The following PCSK4 variants were observed in gnomAD, a reference collection of about 807,000 sequenced individuals.
PCSK4 encodes the protein testicular tissue protein Li 135.
PCSK4 carries 64 observed loss-of-function variants against 80.3 expected under a neutral mutation model. That is an observed-to-expected ratio of 0.80 (90% CI 0.65 to 0.98). The LOEUF is 0.98. Among genes scored for constraint, PCSK4 ranks in the 50% least tolerant of loss-of-function variants. The probability of loss-of-function intolerance (pLI) is 0.00; values close to 1 mark genes in which losing one functional copy is unlikely to be tolerated. For missense variants in PCSK4, 1,213 were observed against 1,093.6 expected, an observed-to-expected ratio of 1.11 and a Z score of -1.54; for synonymous variants, 561 against 487.6, an observed-to-expected ratio of 1.15 and a Z score of -1.98.
At chr19:1,489,569 G>T in intron 2 of PCSK4, 1 of 706,780 alleles carries the variant, frequency 1.4e-6, no homozygotes, top group Non-Finnish European at 2.2e-6. Context: ...GGGAGGGGGA[G>T]GACAAGAGGT....
chr19:1,487,171 G>A, exon 7 of PCSK4: 2 of 1,607,214 alleles, frequency 1.2e-6, no homozygotes, highest in East Asian at 2.2e-5. Flanking sequence ...AGGCCTCGCG[G>A]GTGAGGATGC....
chr19:1,490,146 G>A lies in PCSK4; in HGVS notation c.189+12C>T, dbSNP rs1044980327. 1.2e-6 allele frequency: 2 copies of A among 1,613,170 alleles called. No individual in the cohort carries two copies. The highest frequency in any genetic ancestry group is 2.2e-5 in the East Asian group (1 of 44,880). On this transcript the variant is annotated intron_variant, in intron 1 of 14. Coordinates refer to ENST00000300954, the Ensembl canonical transcript of PCSK4. ...CAAGCCCCCACTTCCCGTCTATCCC[G>A]GTCCCACCCACCGGCCCCAGGTTGA...
rs761750845 is a variant in PCSK4, at chr19:1,482,465, G to A, written c.1707C>T (p.Tyr569=). The A allele has an allele frequency of 4.4e-6, 7 of 1,604,326 alleles. No individual in the cohort carries two copies. In the East Asian group the frequency reaches 8.9e-5, roughly 20 times the overall value. The change falls in exon 14 of 15, where the codon TAC becomes TAT. Residue 569 remains tyrosine (Y), a synonymous_variant. Coordinates refer to ENST00000300954, the Ensembl canonical transcript of PCSK4. ...TCCCATAGAGCAGCAGCGTGTAGCG[G>A]TACAACGTCCCTGGACAGGGGTCGC... is the stretch of plus-strand genomic sequence containing the variant.
chr19:1,481,800 T>C, exon 15 of PCSK4: 1 of 1,520,550 alleles, frequency 6.6e-7, no homozygotes, highest in East Asian at 2.3e-5. Context: ...TTGGTGGGGG[T>C]GGCCCTGGCA....
chr19:1,486,502 T>C (rs1271052549), intron 8 of PCSK4, among the ~76,000 whole-genome samples: 1 of 150,590 alleles, frequency 6.6e-6, no homozygotes, highest in Non-Finnish European at 1.5e-5. Context: ...TTCACTCTGT[T>C]AGCCAGGATG....
rs1368554917 is a variant in PCSK4, at chr19:1,481,463, G to A, written c.*296C>T. On this transcript the variant is annotated 3_prime_UTR_variant, in exon 15 of 15. Coordinates refer to ENST00000300954, the Ensembl canonical transcript of PCSK4. ...GCAACCTTTATTTGCAAACTCTGAG[G>A]TTGGACGCGGTGCCCGAGGCGGACA... The A allele has an allele frequency of 9.2e-6, 3 of 324,650 alleles. No individual in the cohort carries two copies. In the East Asian group the frequency reaches 1.5e-4, roughly 16 times the overall value. 20.1% of individuals were successfully genotyped at this position (324,650 alleles called of 1,614,324 possible).
intron 8 of PCSK4, among the ~76,000 whole-genome samples, chr19:1,484,599 C>T (rs991794857): frequency 2.0e-5 from 3 of 150,752 alleles, no homozygotes; most frequent in Non-Finnish European, 4.4e-5. Flanking sequence ...GGGTGGATCA[C>T]CGGAGGTCAG....
chr19:1,483,988 G>C (rs1599211321), intron 9 of PCSK4, 39 bp downstream of exon 9: 2 of 1,478,294 alleles, frequency 1.4e-6, no homozygotes, highest in Non-Finnish European at 1.8e-6. Context: ...GGCCGCGCCT[G>C]GGGGCGAGGG....
exon 7 of PCSK4, chr19:1,487,185 G>T: frequency 6.2e-7 from 1 of 1,607,868 alleles, no homozygotes. Flanking sequence ...AGGATGCCGG[G>T]GCCGTCCACC....
rs1175763879 is a variant in PCSK4, at chr19:1,487,360, C to T, written c.683-47G>A. 3.4e-6 allele frequency: 5 copies of T among 1,465,900 alleles called. No homozygotes were observed. The African/African-American group carries it at 4.2e-5, about 12-fold the overall frequency. The allele number at this position is 1,465,900 out of a possible 1,614,324, so 90.8% of individuals were successfully genotyped here. A position where few individuals can be genotyped will look rare whatever the true frequency, so the allele number is the denominator to read the frequency against. ...GCCGCTGCCACCGGCCCTGCCCTTC[C>T]CCACACCCCAGCCCGCCCCGCGCCA... is the stretch of plus-strand genomic sequence containing the variant. On this transcript the variant is annotated intron_variant, in intron 6 of 14. Coordinates refer to ENST00000300954, the Ensembl canonical transcript of PCSK4.
At chr19:1,484,436 G>A (rs1951325450) in intron 8 of PCSK4, among the ~76,000 whole-genome samples, 1 of 150,928 alleles carries the variant, frequency 6.6e-6, no homozygotes, top group Non-Finnish European at 1.5e-5. Flanking sequence ...GCAGTGAGCG[G>A]AGATCACACC....
chr19:1,487,399 C>T (rs2084686429), intron 6 of PCSK4, 86 bp from the exon 7 acceptor site: 1 of 1,163,140 alleles, frequency 8.6e-7, no homozygotes, highest in African/African-American at 1.5e-5. Context: ...CACACCACTC[C>T]CCAGCCCTAC....
exon 3 of PCSK4, chr19:1,488,242 C>T (rs1469413284): frequency 6.2e-7 from 1 of 1,612,090 alleles, no homozygotes; most frequent in African/African-American, 1.3e-5. Context: ...CAGAGCGTTT[C>T]ACCCGCCGCT....
intron 8 of PCSK4, among the ~76,000 whole-genome samples, chr19:1,486,320 G>A (rs1030903285): frequency 2.0e-5 from 3 of 147,482 alleles, no homozygotes; most frequent in African/African-American, 7.6e-5. Context: ...TTTTTGAGAC[G>A]GAGTCTCACT....
At chr19:1,486,958 G>A (rs778642423) in exon 8 of PCSK4, 16 of 1,608,382 alleles carry the variant, frequency 9.9e-6, no homozygotes, top group Non-Finnish European at 1.3e-5. Context: ...TGCTGCCCAC[G>A]GAAAGCGTGT....
intron 8 of PCSK4, among the ~76,000 whole-genome samples, chr19:1,486,002 T>C (rs944978540): frequency 1.3e-5 from 2 of 152,092 alleles, no homozygotes; most frequent in Non-Finnish European, 2.9e-5. Flanking sequence ...AGACAGGGTC[T>C]CGCTCTGTGG....
At chr19:1,487,204 G>T (rs377644270) in exon 7 of PCSK4, 2 of 1,607,864 alleles carry the variant, frequency 1.2e-6, no homozygotes, top group Non-Finnish European at 1.7e-6. Context: ...CCGTGCGGCC[G>T]TCGTCCTCGG....
At chr19:1,483,154 G>A (rs2084395482) in intron 12 of PCSK4, 130 bp downstream of exon 12, 4 of 1,232,696 alleles carry the variant, frequency 3.2e-6, no homozygotes, top group East Asian at 2.6e-5. Flanking sequence ...GGTGTGACTC[G>A]GGGTCCCACC....
chr19:1,483,666 C>T, exon 11 of PCSK4: 1 of 1,593,554 alleles, frequency 6.3e-7, no homozygotes, highest in Non-Finnish European at 8.5e-7. Flanking sequence ...CGGCTCTGGA[C>T]CCGGACGGCG....
Sources: gnomAD v4.1 joint callset for allele counts (sites outside exome capture counted in the v4.1 genomes callset) on GRCh38, gnomAD v4.1.1 for gene constraint, MANE v1.5 for transcripts, NCBI Gene and HGNC (gene_info 2026-07-23, HGNC 2026-07-21) for gene names.